Variants in ZAP70 observed in about 807,000 individuals in gnomAD.
ZAP70 encodes tyrosine-protein kinase ZAP-70.
Under a neutral mutation model 65.8 loss-of-function variants are expected in ZAP70, and 27 were observed. The ratio of observed to expected loss-of-function variants is 0.41; its 90% CI spans 0.30 to 0.57. ZAP70 has a LOEUF of 0.57. Ranked by LOEUF, ZAP70 falls within the 20% of genes least tolerant of loss-of-function variation. The probability of loss-of-function intolerance (pLI) is 0.28; values close to 1 mark genes in which losing one functional copy is unlikely to be tolerated. For missense variants in ZAP70, 696 were observed against 870.5 expected (o/e 0.80, Z 2.52); for synonymous variants, 363 against 360.8 (o/e 1.01, Z -0.07).
chr2:97,744,220 C>T (rs1266393432), downstream of ZAP70, among the ~76,000 whole-genome samples: 2 of 152,242 alleles, frequency 1.3e-5, no homozygotes, highest in Non-Finnish European at 2.9e-5. Context: ...TCAGCTCTGA[C>T]TCATTGCTAG....
the ZAP70 span, among the ~76,000 whole-genome samples, chr2:97,756,101 G>A: frequency 3.3e-5 from 5 of 152,292 alleles, no homozygotes; most frequent in East Asian, 1.9e-4. Flanking sequence ...GAGGGAAAAC[G>A]CTTACTGGAT....
chr2:97,734,122 CAT>C, intron 8 of ZAP70: 1 of 291,140 alleles, frequency 3.4e-6, no homozygotes, highest in South Asian at 4.8e-5. Context: ...AGAGAAGACA[CAT>C]AGTTACATGT....
At chr2:97,743,656 G>A (rs1256220164), downstream of ZAP70, among the ~76,000 whole-genome samples, 1 of 152,176 alleles carries the variant, frequency 6.6e-6, no homozygotes, top group Non-Finnish European at 1.5e-5. Context: ...GTTTATGGCT[G>A]TTATTCCCTT....
At position 97,739,726 on chromosome 2, in the gene ZAP70, G is replaced by A. The variant is rs199863225; in HGVS notation, c.*228G>A. 8 of 665,652 alleles carry A rather than the reference G, an allele frequency of 1.2e-5. No homozygotes were observed. Among genetic ancestry groups the A allele is most frequent in the Admixed American group, 3.0e-5 (1 of 33,746 alleles). The allele number at this position is 665,652 out of a possible 1,614,324, so 41.2% of individuals were successfully genotyped here. A position where few individuals can be genotyped will look rare whatever the true frequency, so the allele number is the denominator to read the frequency against. On this transcript the variant is annotated 3_prime_UTR_variant, in exon 14 of 14. Transcript: ENST00000264972. ...GGTGCGGCTGTGCAGCCTGTCCTGG[G>A]CTGGTGGCTCCCGGAGGGCCCTGAG...
chr2:97,740,973 G>T (rs996559889), downstream of ZAP70, among the ~76,000 whole-genome samples: 14 of 152,334 alleles, frequency 9.2e-5, no homozygotes, highest in African/African-American at 3.4e-4. Context: ...AGCTCTGGGA[G>T]CCCACGGTAT....
chr2:97,732,805 G>A, intron 4 of ZAP70, 78 bp from the exon 5 acceptor site: 1 of 1,593,724 alleles, frequency 6.3e-7, no homozygotes, highest in Non-Finnish European at 8.6e-7. Context: ...CCCATAGGGT[G>A]TGTTGCGGGG....
the ZAP70 span, among the ~76,000 whole-genome samples, chr2:97,747,202 T>C: frequency 6.6e-6 from 1 of 152,160 alleles, no homozygotes. Flanking sequence ...GGAATTCCAC[T>C]CCTGGGTAAT....
Position 97,725,174 on chromosome 2 carries a change from C to A in ZAP70, c.485C>A (p.Pro162His), listed in dbSNP as rs921816880. The A allele has an allele frequency of 1.9e-6, 3 of 1,614,194 alleles. No homozygotes were observed. Among genetic ancestry groups the A allele is most frequent in the Non-Finnish European group, 2.5e-6 (3 of 1,180,036 alleles). ...GCTACGACGGCCCACGAGCGGATGC[C>A]CTGGTACCACAGCAGCCTGACGCGT... Reference protein sequence around the residue: ...LIATTAHERMPWYHSSLTREE... With the variant: ...LIATTAHERMHWYHSSLTREE... The change falls in exon 4 of 14, where the codon CCC (proline) becomes CAC (histidine). Residue 162 changes from proline to histidine, a missense_variant. Coordinates refer to ENST00000264972, the MANE Select transcript of ZAP70 (RefSeq NM_001079.4).
At chr2:97,746,224 G>A in the ZAP70 span, among the ~76,000 whole-genome samples, 5 of 152,208 alleles carry the variant, frequency 3.3e-5, no homozygotes, top group African/African-American at 1.2e-4. Flanking sequence ...GGGAATGATG[G>A]AAAAGTTCGG....
rs150323148 is a variant in ZAP70 at position 97,735,392 on chromosome 2, G to T, written c.1225G>T (p.Ala409Ser). 1.9e-6 allele frequency: 3 copies of T among 1,613,954 alleles called. No individual in the cohort carries two copies. Among genetic ancestry groups the T allele is most frequent in the African/African-American group, 2.7e-5 (2 of 74,938 alleles). ...GCTCATTGGCGTCTGCCAGGCCGAGGCCCTCATGCTGGTCATGGAGATGGC... is the reference window on the plus strand; with the variant it reads ...GCTCATTGGCGTCTGCCAGGCCGAGTCCCTCATGCTGGTCATGGAGATGGC... ...VRLIGVCQAE[A>S]LMLVMEMAGG... is the part of the protein sequence containing the mutation. Residue 409 changes from alanine to serine, a missense_variant, in exon 10 of 14, where the codon GCC becomes TCC. By Grantham distance (99) the Ala-to-Ser change is moderately conservative. Transcript: ENST00000264972.
downstream of ZAP70, among the ~76,000 whole-genome samples, chr2:97,744,121 C>T (rs2104718251): frequency 6.6e-6 from 1 of 152,246 alleles, no homozygotes; most frequent in East Asian, 1.9e-4. Context: ...CTGACTTGCC[C>T]CAGTCCACAC....
chr2:97,726,018 T>C (rs1677375631), intron 4 of ZAP70, among the ~76,000 whole-genome samples: 1 of 152,056 alleles, frequency 6.6e-6, no homozygotes, highest in Non-Finnish European at 1.5e-5. Flanking sequence ...CGGGAGAGTG[T>C]TGAAGCAGCC....
chr2:97,738,184 T>C (rs1047812696), intron 13 of ZAP70, 77 bp downstream of exon 13: 1 of 1,362,288 alleles, frequency 7.3e-7, no homozygotes, highest in African/African-American at 1.4e-5. Flanking sequence ...GATGTCAATA[T>C]AACTCTACCC....
chr2:97,735,212 C>A, intron 9 of ZAP70, 38 bp from the exon 10 acceptor site: 1 of 1,611,072 alleles, frequency 6.2e-7, no homozygotes, highest in Non-Finnish European at 8.5e-7. Context: ...AGGGCCGGTG[C>A]CCCTCGCCCA....
At chr2:97,734,331 A>G in intron 8 of ZAP70, 189 bp from the exon 9 acceptor site, 1 of 1,422,814 alleles carries the variant, frequency 7.0e-7, no homozygotes, top group South Asian at 1.5e-5. Flanking sequence ...TGGGGCACCC[A>G]CAGCTGTGGC....
rs556018618 is a variant in ZAP70, at chr2:97,736,140, G to A, written c.1289+684G>A. Among the ~76,000 whole-genome samples, 46 of 152,064 alleles carry A rather than the reference G, an allele frequency of 3.0e-4. No individual in the cohort carries two copies. Among genetic ancestry groups the A allele is most frequent in the African/African-American group, 1.1e-3 (46 of 41,504 alleles). On this transcript the variant is annotated intron_variant, in intron 10 of 13. Transcript: ENST00000264972. This position sits in a 1 kb window ranked among gnomAD's most constrained non-coding sequence, Gnocchi z 4.0. ...GCCCATTGCCAGTTATCTGGAACCTGCCCTTTGTTTACGTGCTGCGTGGTT... is the reference window on the plus strand; with the variant it reads ...GCCCATTGCCAGTTATCTGGAACCTACCCTTTGTTTACGTGCTGCGTGGTT...
rs1288829788 is a variant in ZAP70 at position 97,724,751 on chromosome 2, C to T, written c.402+313C>T. 7.3e-6 allele frequency: 11 copies of T among 1,503,030 alleles called. No homozygotes were observed. The Admixed American group carries it at 1.6e-4, about 22-fold the overall frequency. 93.1% of individuals were successfully genotyped at this position (1,503,030 alleles called of 1,614,324 possible). A position where few individuals can be genotyped will look rare whatever the true frequency, so the allele number is the denominator to read the frequency against. Reference sequence around the variant, plus strand: ...TGGGGGCGGGGCTGAGAGGAGGGTGCGCGGGGCTAGGGTGAGCCCTTAGGG... The same window carrying T: ...TGGGGGCGGGGCTGAGAGGAGGGTGTGCGGGGCTAGGGTGAGCCCTTAGGG... On this transcript the variant is annotated intron_variant, in intron 3 of 13. Coordinates refer to ENST00000264972, the MANE Select transcript of ZAP70 (RefSeq NM_001079.4).
intron 4 of ZAP70, among the ~76,000 whole-genome samples, chr2:97,728,703 C>A (rs1053153006): frequency 2.0e-5 from 3 of 152,152 alleles, no homozygotes; most frequent in Non-Finnish European, 2.9e-5. Context: ...CCGGCTGATT[C>A]GACTTTAAAA....
rs1676863486 is a variant in ZAP70 at position 97,715,290 on chromosome 2, C to T, written c.-22+1296C>T. On this transcript the variant is annotated intron_variant, in intron 2 of 13. Coordinates refer to ENST00000264972, the MANE Select transcript of ZAP70 (RefSeq NM_001079.4). This position sits in a 1 kb window ranked among gnomAD's most constrained non-coding sequence, Gnocchi z 4.1. ...GCCTGGAGACAGTTTGGGTTGTGAC[C>T]CAGCGGGTGTTACTGGCATCCAGCA... Among the ~76,000 whole-genome samples the T allele has an allele frequency of 6.6e-6, 1 of 152,292 alleles. No individual in the cohort carries two copies. The highest frequency in any genetic ancestry group is 1.9e-4 in the East Asian group (1 of 5,188).
Sources: allele counts gnomAD v4.1 joint callset (sites outside exome capture counted in the v4.1 genomes callset), GRCh38; gene constraint gnomAD v4.1.1; non-coding constraint Gnocchi (gnomAD v3.1); transcripts MANE v1.5; gene names NCBI Gene and HGNC (gene_info 2026-07-23, HGNC 2026-07-21).